The following VPS13B variants were observed in gnomAD, a reference collection of about 807,000 sequenced individuals.
The protein encoded by VPS13B is vacuolar protein sorting 13 homolog B, also known as intermembrane lipid transfer protein VPS13B.
In VPS13B, 285 loss-of-function variants were observed where a neutral mutation model predicts 426.4. The ratio of observed to expected loss-of-function variants is 0.67; its 90% CI spans 0.61 to 0.74. The LOEUF (loss-of-function observed/expected upper bound fraction) is 0.74, where lower values mean the gene tolerates loss of function less well. Ranked by LOEUF, VPS13B falls within the 30% of genes least tolerant of loss-of-function variation. VPS13B has a pLI of 0.00. For synonymous variants in VPS13B, 1,676 were observed against 1,676.4 expected (o/e 1.00, Z 0.01); for missense variants, 4,537 against 4,782.6 (o/e 0.95, Z 1.51).
At chr8:99,694,458 A>G (rs1831854093) in intron 35 of VPS13B, among the ~76,000 whole-genome samples, 1 of 23,440 alleles carries the variant, frequency 4.3e-5, no homozygotes, top group African/African-American at 1.8e-4. Flanking sequence ...AGGATTCCCT[A>G]TTTAATAAAT....
chr8:99,081,800 T>G lies in VPS13B; in HGVS notation c.292-14512T>G, dbSNP rs973099374. ...TACAAAGGACATTAACTCATCATTT[T>G]TTATGGCTGCATAGTATTCCATCGT... On this transcript the variant is annotated intron_variant, in intron 3 of 61. Coordinates refer to ENST00000357162, the MANE Select transcript of VPS13B (RefSeq NM_152564.5). Among the ~76,000 whole-genome samples the G allele has an allele frequency of 2.8e-4, 42 of 152,164 alleles. 1 individual carries two copies. Among genetic ancestry groups the G allele is most frequent in the Non-Finnish European group, 1.3e-4 (9 of 68,048 alleles).
intron 15 of VPS13B, 99 bp from the exon 16 acceptor site, chr8:99,169,940 G>A (rs1812230543): frequency 8.8e-6 from 12 of 1,360,810 alleles, no homozygotes; most frequent in Admixed American, 5.1e-5. Flanking sequence ...CATATTTAGT[G>A]TGCAGCTGTT....
intron 35 of VPS13B, chr8:99,696,726 A>T: frequency 2.0e-6 from 2 of 985,906 alleles, no homozygotes; most frequent in South Asian, 2.5e-5. Context: ...CCGTTTTCCC[A>T]GAAGATCCGG....
intron 22 of VPS13B, among the ~76,000 whole-genome samples, chr8:99,439,820 G>A (rs1204832557): frequency 6.6e-6 from 1 of 151,886 alleles, no homozygotes; most frequent in African/African-American, 2.4e-5. Flanking sequence ...GCTGAATTGG[G>A]ATCACAATTA....
intron 36 of VPS13B, 107 bp downstream of exon 36, chr8:99,700,039 G>A: frequency 1.3e-5 from 18 of 1,366,396 alleles, no homozygotes; most frequent in Non-Finnish European, 1.8e-5. Context: ...GTTAAAAGTT[G>A]TAAAGGCCAT....
At chr8:99,129,097 CTTGA>C (rs1198676900) in intron 8 of VPS13B, among the ~76,000 whole-genome samples, 2 of 151,946 alleles carry the variant, frequency 1.3e-5, no homozygotes, top group Admixed American at 6.6e-5. Flanking sequence ...TGTGTCATAG[CTTGA>C]TTGATTTAAT....
At chr8:99,622,219 A>C (rs1382607364) in intron 33 of VPS13B, among the ~76,000 whole-genome samples, 1 of 152,112 alleles carries the variant, frequency 6.6e-6, no homozygotes, top group Non-Finnish European at 1.5e-5. Flanking sequence ...TACATCATTT[A>C]ATGTAATCTC....
At chr8:99,769,365 A>T (rs1469214715) in intron 40 of VPS13B, among the ~76,000 whole-genome samples, 1 of 152,260 alleles carries the variant, frequency 6.6e-6, no homozygotes, top group African/African-American at 2.4e-5. Context: ...TAATGATTTG[A>T]TAATATGTCA....
At chr8:99,190,200 A>G (rs1416594062) in intron 16 of VPS13B, among the ~76,000 whole-genome samples, 3 of 152,104 alleles carry the variant, frequency 2.0e-5, no homozygotes, top group Non-Finnish European at 4.4e-5. Flanking sequence ...TCCAGAGTTT[A>G]CTTTGTCTAA....
intron 54 of VPS13B, 46 bp downstream of exon 54, chr8:99,835,784 T>A (rs768334719): frequency 1.9e-6 from 3 of 1,594,926 alleles, no homozygotes; most frequent in Non-Finnish European, 1.7e-6. Context: ...AAAAATGCCC[T>A]TTTCTGAGGT....
intron 19 of VPS13B, among the ~76,000 whole-genome samples, chr8:99,282,461 C>T (rs530314352): frequency 3.3e-5 from 5 of 152,246 alleles, no homozygotes; most frequent in East Asian, 1.9e-4. Context: ...CTTTTTCACA[C>T]GAACTACTCT....
At chr8:99,129,621 T>C (rs867651082) in intron 8 of VPS13B, among the ~76,000 whole-genome samples, 9 of 139,616 alleles carry the variant, frequency 6.4e-5, no homozygotes, top group Middle Eastern at 3.8e-3. Context: ...AAAAAAAAGA[T>C]ATATTGTCAG....
chr8:99,709,807 G>T (rs1016380105), intron 36 of VPS13B, among the ~76,000 whole-genome samples: 3 of 152,168 alleles, frequency 2.0e-5, no homozygotes, highest in Admixed American at 2.0e-4. Flanking sequence ...CATTGGAGGA[G>T]AAGCTGGTGA....
At chr8:99,822,760 G>T (rs373721484) in intron 50 of VPS13B, among the ~76,000 whole-genome samples, 21 of 152,074 alleles carry the variant, frequency 1.4e-4, no homozygotes, top group Middle Eastern at 3.4e-3. Context: ...GTTTCTGTGG[G>T]TTATATCAGT....
chr8:99,526,903 C>A (rs12549477), intron 30 of VPS13B, among the ~76,000 whole-genome samples: 26,446 of 151,972 alleles, frequency 0.17, 2,794 homozygotes, highest in East Asian at 0.38. Context: ...TTTTACATAT[C>A]TTCTAGGCTT....
At chr8:99,218,045 G>A (rs550427966) in intron 17 of VPS13B, among the ~76,000 whole-genome samples, 41 of 152,298 alleles carry the variant, frequency 2.7e-4, no homozygotes, top group African/African-American at 9.6e-4. Context: ...AGGTATGCCA[G>A]TTAGACTGTC....
chr8:99,479,743 T>C (rs1242992686), intron 24 of VPS13B, among the ~76,000 whole-genome samples: 1 of 152,212 alleles, frequency 6.6e-6, no homozygotes, highest in Admixed American at 6.5e-5. Flanking sequence ...GTTTATTTCT[T>C]TTTATGGCTA....
chr8:99,427,408 G>A (rs1172912380), intron 21 of VPS13B, among the ~76,000 whole-genome samples: 5 of 147,180 alleles, frequency 3.4e-5, no homozygotes, highest in Admixed American at 1.4e-4. Context: ...CTCTTTTTTG[G>A]TTCCATATGA....
intron 20 of VPS13B, among the ~76,000 whole-genome samples, chr8:99,384,958 T>C (rs1814034352): frequency 6.6e-6 from 1 of 152,190 alleles, no homozygotes; most frequent in Non-Finnish European, 1.5e-5. Context: ...GGATTGCAGG[T>C]ATGAGCCACA....
Sources: gnomAD v4.1 joint callset for allele counts (sites outside exome capture counted in the v4.1 genomes callset) on GRCh38, gnomAD v4.1.1 for gene constraint, MANE v1.5 for transcripts, NCBI Gene and HGNC (gene_info 2026-07-23, HGNC 2026-07-21) for gene names.